TNNI3K: variants seen among roughly 807,000 people sequenced by gnomAD.
TNNI3K encodes the protein serine/threonine-protein kinase TNNI3K.
In TNNI3K, 140 loss-of-function variants were observed where a neutral mutation model predicts 114.5. The ratio of observed to expected loss-of-function variants is 1.22; its 90% CI spans 1.07 to 1.41. The LOEUF (loss-of-function observed/expected upper bound fraction) is 1.41, where lower values mean the gene tolerates loss of function less well. TNNI3K is among the 40% of genes most tolerant of loss of function. TNNI3K has a pLI of 0.00. For missense variants in TNNI3K, 1,125 were observed against 1,007.6 expected, an observed-to-expected ratio of 1.12 and a Z score of -1.58; for synonymous variants, 347 against 347.5, an observed-to-expected ratio of 1.00 and a Z score of 0.02.
intron 17 of TNNI3K, among the ~76,000 whole-genome samples, chr1:74,392,399 T>C (rs1251923748): frequency 6.6e-6 from 1 of 152,212 alleles, no homozygotes; most frequent in East Asian, 1.9e-4. Context: ...AATAAATTAC[T>C]TAAACTCAGC....
intron 20 of TNNI3K, among the ~76,000 whole-genome samples, chr1:74,454,323 T>C (rs1301359098): frequency 2.6e-5 from 4 of 152,222 alleles, no homozygotes; most frequent in Non-Finnish European, 5.9e-5. Flanking sequence ...TCATTTTATC[T>C]AACTGTACTT....
intron 4 of TNNI3K, among the ~76,000 whole-genome samples, chr1:74,260,371 ATAT>A (rs1190621424): frequency 6.6e-6 from 1 of 152,132 alleles, no homozygotes; most frequent in Non-Finnish European, 1.5e-5. Context: ...ACATTTGTTG[ATAT>A]TATGTAGCTT....
At chr1:74,539,988 A>T (rs985953008) in intron 23 of TNNI3K, among the ~76,000 whole-genome samples, 1 of 152,146 alleles carries the variant, frequency 6.6e-6, no homozygotes, top group Non-Finnish European at 1.5e-5. Context: ...CTCAGAAAGG[A>T]TGGCATACCC....
At chr1:74,355,432 T>C (rs1661601069) in intron 11 of TNNI3K, among the ~76,000 whole-genome samples, 2 of 151,898 alleles carry the variant, frequency 1.3e-5, no homozygotes, top group Admixed American at 1.3e-4. Flanking sequence ...GGTGAAACCC[T>C]GTCTCTACTA....
intron 17 of TNNI3K, chr1:74,373,512 G>A (rs1197492627): frequency 1.3e-5 from 2 of 151,870 alleles, no homozygotes; most frequent in Admixed American, 6.6e-5. Context: ...GCAAGTCAGG[G>A]TTTCAGGGGC....
chr1:74,510,853 G>A (rs895019342), intron 23 of TNNI3K, among the ~76,000 whole-genome samples: 5 of 152,188 alleles, frequency 3.3e-5, no homozygotes, highest in Admixed American at 6.5e-5. Flanking sequence ...AGCTAGTCTT[G>A]TATTCTTGTA....
intron 9 of TNNI3K, among the ~76,000 whole-genome samples, chr1:74,347,335 AT>A (rs967746723): frequency 6.6e-6 from 1 of 151,536 alleles, no homozygotes; most frequent in African/African-American, 2.4e-5. Context: ...TGAACTCATC[AT>A]TTTTTATGGC....
chr1:74,252,735 G>A (rs568613199), intron 4 of TNNI3K, among the ~76,000 whole-genome samples: 33 of 152,220 alleles, frequency 2.2e-4, no homozygotes, highest in African/African-American at 7.0e-4. Flanking sequence ...ATTCCTCCCC[G>A]TGGGTTCGTG....
At chr1:74,251,513 T>C (rs1010955104) in intron 4 of TNNI3K, among the ~76,000 whole-genome samples, 4 of 152,234 alleles carry the variant, frequency 2.6e-5, no homozygotes, top group Non-Finnish European at 1.5e-5. Flanking sequence ...GAAAATGCAA[T>C]TAAAGACTAA....
intron 11 of TNNI3K, among the ~76,000 whole-genome samples, chr1:74,356,868 G>A (rs553914604): frequency 1.3e-5 from 2 of 152,264 alleles, no homozygotes; most frequent in African/African-American, 4.8e-5. Flanking sequence ...AATGTGCCAG[G>A]CATCAGTGTT....
intron 5 of TNNI3K, among the ~76,000 whole-genome samples, chr1:74,281,743 T>C (rs1443467798): frequency 1.3e-5 from 2 of 152,146 alleles, no homozygotes; most frequent in Non-Finnish European, 2.9e-5. Flanking sequence ...ATATAAAACA[T>C]ATTAAAAATC....
chr1:74,367,955 A>T lies in TNNI3K; in HGVS notation c.1312A>T (p.Met438Leu). Reference sequence around the variant, plus strand: ...ATCACCCTTGGGGAAGATTAAAAGCATGACAAAAGGTACCTATAATCTGGG... The same window carrying T: ...ATCACCCTTGGGGAAGATTAAAAGCTTGACAAAAGGTACCTATAATCTGGG... ...VPSPLGKIKS[M>L]TKEKADILLL... Residue 438 changes from methionine to leucine, a missense_variant, in exon 13 of 25, where the codon ATG (methionine) becomes TTG (leucine). By Grantham distance (15) the Met-to-Leu change is conservative. Coordinates refer to ENST00000326637, the MANE Select transcript of TNNI3K (RefSeq NM_015978.3). The T allele has an allele frequency of 6.4e-7, 1 of 1,567,098 alleles. No homozygotes were observed.
chr1:74,375,524 C>T (rs1411435853), intron 17 of TNNI3K: 1 of 453,086 alleles, frequency 2.2e-6, no homozygotes, highest in Admixed American at 2.4e-5. Flanking sequence ...GGATAAATCA[C>T]TATTGCAAAA....
At chr1:74,257,319 C>T (rs1655374688) in intron 4 of TNNI3K, among the ~76,000 whole-genome samples, 2 of 152,008 alleles carry the variant, frequency 1.3e-5, no homozygotes, top group Non-Finnish European at 2.9e-5. Flanking sequence ...GGTTTTGAAC[C>T]TATTATTTGT....
intron 4 of TNNI3K, among the ~76,000 whole-genome samples, chr1:74,268,459 C>A (rs914790406): frequency 6.6e-6 from 1 of 151,826 alleles, no homozygotes; most frequent in African/African-American, 2.4e-5. Context: ...AGTACTGGTA[C>A]AGCCTTTTTC....
chr1:74,514,073 C>G (rs994026644), intron 23 of TNNI3K, among the ~76,000 whole-genome samples: 3 of 152,142 alleles, frequency 2.0e-5, no homozygotes, highest in Admixed American at 6.6e-5. Context: ...AAAGGCTATT[C>G]GAAGTTTGCA....
intron 23 of TNNI3K, among the ~76,000 whole-genome samples, chr1:74,495,145 C>CCAGA (rs1214502610): frequency 5.9e-5 from 9 of 152,230 alleles, no homozygotes; most frequent in Admixed American, 3.9e-4. Context: ...TGTTATGGAA[C>CCAGA]TCTGATAAGG....
chr1:74,366,809 T>C (rs1662296120), intron 11 of TNNI3K: 1 of 153,148 alleles, frequency 6.5e-6, no homozygotes, highest in Non-Finnish European at 1.5e-5. Flanking sequence ...TGCATAATAC[T>C]ACAATACTGA....
chr1:74,493,103 G>T (rs1306616268), intron 23 of TNNI3K, among the ~76,000 whole-genome samples: 1 of 152,066 alleles, frequency 6.6e-6, no homozygotes, highest in Non-Finnish European at 1.5e-5. Context: ...CACATGGGAG[G>T]CTAGGGTTTC....
Sources: gnomAD v4.1 joint callset for allele counts (sites outside exome capture counted in the v4.1 genomes callset) on GRCh38, gnomAD v4.1.1 for gene constraint, MANE v1.5 for transcripts, NCBI Gene and HGNC (gene_info 2026-07-23, HGNC 2026-07-21) for gene names.